The following CLCN5 variants were observed in gnomAD, a reference collection of about 807,000 sequenced individuals.
CLCN5 encodes H(+)/Cl(-) exchange transporter 5.
Under a neutral mutation model 54.0 loss-of-function variants are expected in CLCN5, and 17 were observed. The ratio of observed to expected loss-of-function variants is 0.31; its 90% CI spans 0.22 to 0.47. The LOEUF (loss-of-function observed/expected upper bound fraction) is 0.47, where lower values mean the gene tolerates loss of function less well. Ranked by LOEUF, CLCN5 falls within the 20% of genes least tolerant of loss-of-function variation. CLCN5 has a pLI of 1.00. For missense variants in CLCN5, 448 were observed against 646.7 expected (o/e 0.69, Z 3.33); for synonymous variants, 222 against 233.0 (o/e 0.95, Z 0.43).
At chrX:50,044,473 C>T (rs1256950180) in intron 4 of CLCN5, among the ~76,000 whole-genome samples, 2 of 111,623 alleles carry the variant, frequency 1.8e-5, no homozygotes, top group South Asian at 3.7e-4. Flanking sequence ...TATGTGCATC[C>T]GTATAAGAGA....
At chrX:49,940,612 T>C (rs1001828633) in intron 3 of CLCN5, among the ~76,000 whole-genome samples, 3 of 112,445 alleles carry the variant, frequency 2.7e-5, no homozygotes, top group Non-Finnish European at 3.8e-5. Flanking sequence ...TACCTAATAG[T>C]GTCTTCCACA....
chrX:50,062,070 C>G (rs1256623370), intron 4 of CLCN5, among the ~76,000 whole-genome samples: 2 of 106,703 alleles, frequency 1.9e-5, no homozygotes, highest in African/African-American at 7.1e-5. Flanking sequence ...AATGTAAAGA[C>G]CATCGAGACT....
rs782205709 is a variant in CLCN5, at chrX:49,931,870, G to A, written c.16+6556G>A. Among the ~76,000 whole-genome samples the A allele has an allele frequency of 3.8e-5, 4 of 104,054 alleles. No individual in the cohort carries two copies. In the East Asian group the frequency reaches 1.2e-3, roughly 31 times the overall value. 90.4% of individuals were successfully genotyped at this position (104,054 alleles called of 115,157 possible). On this transcript the variant is annotated intron_variant, in intron 3 of 14. Transcript: ENST00000376091. ...TGAGGCTGTAGTGAGCTATGATCTC[G>A]CCACTGCACCCCAGCCTGGGCAACA...
intron 3 of CLCN5, among the ~76,000 whole-genome samples, chrX:49,948,450 T>G (rs995216821): frequency 2.8e-5 from 3 of 108,104 alleles, no homozygotes; most frequent in Non-Finnish European, 5.8e-5. Flanking sequence ...GGTTGATGTG[T>G]TTTTTTTTTA....
chrX:49,950,946 C>A (rs1291185150), intron 3 of CLCN5, among the ~76,000 whole-genome samples: 2 of 111,379 alleles, frequency 1.8e-5, no homozygotes, highest in Non-Finnish European at 3.8e-5. Context: ...CTTATAGTCA[C>A]CCTGTTGTGC....
At chrX:49,938,096 C>A (rs782232599) in intron 3 of CLCN5, among the ~76,000 whole-genome samples, 5 of 111,168 alleles carry the variant, frequency 4.5e-5, no homozygotes, top group Non-Finnish European at 7.5e-5. Context: ...GAGTCACTAT[C>A]CTGTGTTAAG....
chrX:49,961,060 G>T (rs1927571998), intron 3 of CLCN5, among the ~76,000 whole-genome samples: 1 of 111,874 alleles, frequency 8.9e-6, no homozygotes, highest in Admixed American at 9.5e-5. Flanking sequence ...GAGGAGGGAA[G>T]ACGTGTGTGT....
chrX:49,955,914 G>A (rs1290155668), intron 3 of CLCN5, among the ~76,000 whole-genome samples: 2 of 111,795 alleles, frequency 1.8e-5, no homozygotes, highest in African/African-American at 3.3e-5. Flanking sequence ...TGGTTATGAT[G>A]AGACTGATCT....
rs1022119661 is a variant in CLCN5, at chrX:50,030,794, A to C, written c.17-11522A>C. ...TTTAAAATTTTTATCTGTTAATCTG[A>C]TAACTTATGTTGGTAGTTTCCCATG... On this transcript the variant is annotated intron_variant, in intron 3 of 14. Coordinates refer to ENST00000376091, the MANE Select transcript of CLCN5 (RefSeq NM_001127898.4). Among the ~76,000 whole-genome samples, 3 of 112,539 alleles carry C rather than the reference A, an allele frequency of 2.7e-5. No homozygotes were observed. In the Admixed American group the frequency reaches 2.8e-4, roughly 11 times the overall value.
At chrX:50,032,985 C>G (rs1931791950) in intron 3 of CLCN5, among the ~76,000 whole-genome samples, 1 of 111,374 alleles carries the variant, frequency 9.0e-6, no homozygotes, top group Non-Finnish European at 1.9e-5. Flanking sequence ...GGAATCCTTT[C>G]CCCATTGCTT....
chrX:49,924,482 A>G (rs782355556), intron 2 of CLCN5, among the ~76,000 whole-genome samples: 1 of 112,133 alleles, frequency 8.9e-6, no homozygotes, highest in Non-Finnish European at 1.9e-5. Flanking sequence ...CTTTGCAAAT[A>G]TTGTCCTAGG....
At position 50,086,025 on chromosome X, in the gene CLCN5, G is replaced by A; in HGVS notation, c.979G>A (p.Ala327Thr). The A allele has an allele frequency of 8.3e-7, 1 of 1,208,111 alleles. No homozygotes were observed. The highest frequency in any genetic ancestry group is 1.1e-6 in the Non-Finnish European group (1 of 891,994). The change falls in exon 10 of 15, where the codon GCA (alanine) becomes ACA (threonine). Residue 327 changes from alanine (A) to threonine (T), a missense_variant. Physicochemically the swap from Ala to Thr is moderately conservative, Grantham distance 58. Coordinates refer to ENST00000376091, the MANE Select transcript of CLCN5 (RefSeq NM_001127898.4). ...AGCTGGTGTATCTGTAGCCTTTGGAGCACCTATAGGTGGAGTATTATTCAG... is the reference window on the plus strand; with the variant it reads ...AGCTGGTGTATCTGTAGCCTTTGGAACACCTATAGGTGGAGTATTATTCAG... ...AAAGVSVAFG[A>T]PIGGVLFSLE...
chrX:50,049,608 A>C (rs781871249), intron 4 of CLCN5, among the ~76,000 whole-genome samples: 33 of 111,690 alleles, frequency 3.0e-4, no homozygotes, highest in Non-Finnish European at 4.7e-4. Context: ...AGCACTTTTC[A>C]CCTTTATCCC....
In CLCN5 at chrX:49,991,112, A is replaced by G. The variant is rs368252263; in HGVS notation, c.17-51204A>G. On this transcript the variant is annotated intron_variant, in intron 3 of 14. Transcript: ENST00000376091. ...TGGATCAAATGGTAGATCTACTTTT[A>G]GTTCTTTAAGGAATCTCCATACTGT... 4.0e-3 allele frequency among the ~76,000 whole-genome samples: 447 copies of G among 112,240 alleles called. 4 individuals carry two copies. The highest frequency in any genetic ancestry group is 0.013 in the African/African-American group (412 of 30,911).
At chrX:49,961,778 G>A (rs1557174721) in intron 3 of CLCN5, among the ~76,000 whole-genome samples, 1 of 111,299 alleles carries the variant, frequency 9.0e-6, no homozygotes, top group Non-Finnish European at 1.9e-5. Context: ...ACAGTTGGTG[G>A]TATTTTTTCC....
At chrX:49,970,433 C>G (rs1928149459) in intron 3 of CLCN5, among the ~76,000 whole-genome samples, 2 of 111,105 alleles carry the variant, frequency 1.8e-5, no homozygotes, top group Admixed American at 1.9e-4. Flanking sequence ...CTACCCGCAC[C>G]TGAGCACTCT....
At chrX:50,062,307 A>C (rs1211936659) in intron 4 of CLCN5, among the ~76,000 whole-genome samples, 3 of 57,617 alleles carry the variant, frequency 5.2e-5, no homozygotes, top group Non-Finnish European at 8.9e-5. Context: ...AAAAGGATGG[A>C]GGAAGATCTA....
intron 3 of CLCN5, among the ~76,000 whole-genome samples, chrX:50,037,214 A>G (rs1557186621): frequency 8.9e-6 from 1 of 112,507 alleles, no homozygotes; most frequent in African/African-American, 3.2e-5. Flanking sequence ...TGAGGGAGAA[A>G]TGAGAGCTAG....
intron 3 of CLCN5, among the ~76,000 whole-genome samples, chrX:50,030,633 G>A (rs1931651673): frequency 9.0e-6 from 1 of 111,560 alleles, no homozygotes; most frequent in Non-Finnish European, 1.9e-5. Context: ...TTTGCTTCTT[G>A]GTTTTTTAAT....
Sources: gnomAD v4.1 joint callset for allele counts (sites outside exome capture counted in the v4.1 genomes callset) on GRCh38, gnomAD v4.1.1 for gene constraint, MANE v1.5 for transcripts, NCBI Gene and HGNC (gene_info 2026-07-23, HGNC 2026-07-21) for gene names.